Variants in PDE4D observed in about 807,000 individuals in gnomAD.
The protein encoded by PDE4D is phosphodiesterase 4D, also known as 3',5'-cyclic-AMP phosphodiesterase 4D.
In PDE4D, 24 loss-of-function variants were observed where a neutral mutation model predicts 87.4. That is an observed-to-expected ratio of 0.27 (90% CI 0.20 to 0.39). The LOEUF (loss-of-function observed/expected upper bound fraction) is 0.39. Ranked by LOEUF, PDE4D falls within the 10% of genes least tolerant of loss-of-function variation. The pLI is 1.00. For synonymous variants in PDE4D, 384 were observed against 383.2 expected, an observed-to-expected ratio of 1.00 and a Z score of -0.02; for missense variants, 714 against 1,041.0, an observed-to-expected ratio of 0.69 and a Z score of 4.32.
intron 1 of PDE4D, among the ~76,000 whole-genome samples, chr5:59,852,687 T>G (rs1165072977): frequency 6.6e-6 from 1 of 152,230 alleles, no homozygotes; most frequent in East Asian, 1.9e-4. Flanking sequence ...ATTTCATTAT[T>G]GTTTTAAGCT....
At chr5:59,899,981 C>A (rs562973077) in intron 3 of PDE4D, among the ~76,000 whole-genome samples, 1 of 152,258 alleles carries the variant, frequency 6.6e-6, no homozygotes, top group South Asian at 2.1e-4. Flanking sequence ...TGGCTCATGC[C>A]TGTAATCCCA....
chr5:60,133,956 A>C (rs1779810942), intron 2 of PDE4D, among the ~76,000 whole-genome samples: 1 of 152,182 alleles, frequency 6.6e-6, no homozygotes, highest in Non-Finnish European at 1.5e-5. Flanking sequence ...GAATATAGTT[A>C]CCAAACCACT....
intron 1 of PDE4D, among the ~76,000 whole-genome samples, chr5:60,433,935 G>A (rs1744562403): frequency 6.6e-6 from 1 of 152,122 alleles, no homozygotes; most frequent in South Asian, 2.1e-4. Context: ...TGGAGGGTAG[G>A]AGGAAGGTGA....
chr5:59,356,790 G>A, intron 1 of PDE4D: 1 of 1,571,008 alleles, frequency 6.4e-7, no homozygotes, highest in Non-Finnish European at 8.5e-7. Flanking sequence ...ATCTTGATTT[G>A]GCTCTTGTAG....
At chr5:60,300,283 A>G (rs1055977392) in intron 1 of PDE4D, among the ~76,000 whole-genome samples, 7 of 152,134 alleles carry the variant, frequency 4.6e-5, no homozygotes, top group Non-Finnish European at 7.3e-5. Flanking sequence ...AGTTCCTTGT[A>G]GACTCTGGAT....
intron 1 of PDE4D, among the ~76,000 whole-genome samples, chr5:59,229,781 C>A (rs958439957): frequency 6.6e-6 from 1 of 152,076 alleles, no homozygotes; most frequent in Admixed American, 6.6e-5. Context: ...AAATTTAGCA[C>A]CTTATATCAT....
chr5:60,216,600 A>T (rs1233810947), intron 1 of PDE4D, among the ~76,000 whole-genome samples: 1 of 152,160 alleles, frequency 6.6e-6, no homozygotes, highest in African/African-American at 2.4e-5. Flanking sequence ...CGATGAAACA[A>T]ATATTCCATG....
intron 5 of PDE4D, among the ~76,000 whole-genome samples, chr5:59,121,487 C>T (rs1774492223): frequency 6.6e-6 from 1 of 151,632 alleles, no homozygotes; most frequent in African/African-American, 2.4e-5. Context: ...AAATTGATAC[C>T]ACAATGAGAT....
chr5:60,330,318 T>C (rs572478459), intron 1 of PDE4D, among the ~76,000 whole-genome samples: 1 of 152,282 alleles, frequency 6.6e-6, no homozygotes, highest in Non-Finnish European at 1.5e-5. Context: ...ACAAAGCCTG[T>C]GCGCAAATGA....
chr5:59,728,530 T>C (rs1294048876), intron 1 of PDE4D, among the ~76,000 whole-genome samples: 2 of 152,110 alleles, frequency 1.3e-5, no homozygotes, highest in East Asian at 3.9e-4. Context: ...CCAGCTGCTC[T>C]TTCTCCATGT....
intron 1 of PDE4D, among the ~76,000 whole-genome samples, chr5:59,827,411 C>A (rs1176184327): frequency 1.3e-5 from 2 of 152,086 alleles, no homozygotes; most frequent in African/African-American, 2.4e-5. Context: ...TGAAATGTGT[C>A]TTTATCTGAT....
At chr5:59,593,301 C>T (rs909528602) in intron 1 of PDE4D, among the ~76,000 whole-genome samples, 4 of 148,536 alleles carry the variant, frequency 2.7e-5, no homozygotes, top group African/African-American at 1.0e-4. Flanking sequence ...CATGGTGGTT[C>T]GCACCTGTAA....
intron 6 of PDE4D, among the ~76,000 whole-genome samples, chr5:59,017,164 T>C (rs1754183288): frequency 6.6e-6 from 1 of 152,166 alleles, no homozygotes; most frequent in Non-Finnish European, 1.5e-5. Context: ...ACGTGGGTCC[T>C]GAGGGTATGA....
intron 1 of PDE4D, among the ~76,000 whole-genome samples, chr5:59,222,284 T>C (rs1264574988): frequency 3.3e-5 from 5 of 152,196 alleles, no homozygotes; most frequent in African/African-American, 1.2e-4. Flanking sequence ...TCATTTCTCA[T>C]CTTTTTGGCC....
At chr5:59,860,312 T>C (rs1746065143) in intron 1 of PDE4D, among the ~76,000 whole-genome samples, 1 of 152,188 alleles carries the variant, frequency 6.6e-6, no homozygotes, top group Non-Finnish European at 1.5e-5. Context: ...TTATTGATTA[T>C]CTTCATGAAA....
chr5:59,617,091 G>A (rs1223873515), intron 1 of PDE4D, among the ~76,000 whole-genome samples: 1 of 151,416 alleles, frequency 6.6e-6, no homozygotes. Context: ...TCAACATTAT[G>A]ACTAAAAATA....
At chr5:59,151,905 T>G in intron 5 of PDE4D, among the ~76,000 whole-genome samples, 1 of 147,550 alleles carries the variant, frequency 6.8e-6, no homozygotes, top group East Asian at 2.0e-4. Context: ...AGGGAAGGAG[T>G]GAGGGAAGAG....
At chr5:59,280,553 GTTC>G (rs1386697252) in intron 1 of PDE4D, among the ~76,000 whole-genome samples, 2 of 151,786 alleles carry the variant, frequency 1.3e-5, no homozygotes, top group South Asian at 2.1e-4. Context: ...CACATTTCTT[GTTC>G]TTCTTTATTC....
chr5:60,363,636 CAG>C (rs1166575804), intron 1 of PDE4D, among the ~76,000 whole-genome samples: 4 of 152,128 alleles, frequency 2.6e-5, no homozygotes, highest in Admixed American at 2.6e-4. Context: ...GAAAATAAAA[CAG>C]AGTGATGGGA....
Sources: allele counts gnomAD v4.1 joint callset (sites outside exome capture counted in the v4.1 genomes callset), GRCh38; gene constraint gnomAD v4.1.1; transcripts MANE v1.5; gene names NCBI Gene and HGNC (gene_info 2026-07-23, HGNC 2026-07-21).